The following PTPRE variants were observed in gnomAD, a reference collection of about 807,000 sequenced individuals.
PTPRE encodes the protein protein tyrosine phosphatase receptor type E.
In PTPRE, 51 loss-of-function variants were observed where a neutral mutation model predicts 102.0. The observed-to-expected ratio is 0.50, with a 90% confidence interval of 0.40 to 0.63. PTPRE has a LOEUF of 0.63. PTPRE is among the 30% of genes least tolerant of loss of function. The pLI is 0.00. For synonymous variants in PTPRE, 345 were observed against 348.2 expected (o/e 0.99, Z 0.10); for missense variants, 752 against 915.1 (o/e 0.82, Z 2.30).
intron 2 of PTPRE, among the ~76,000 whole-genome samples, chr10:127,996,220 C>T (rs1313351448): frequency 2.0e-5 from 3 of 152,116 alleles, no homozygotes; most frequent in African/African-American, 7.2e-5. Flanking sequence ...CTTGGCAACA[C>T]GTAACTTTAC....
intron 1 of PTPRE, among the ~76,000 whole-genome samples, chr10:127,968,056 A>G (rs1850400117): frequency 6.8e-6 from 1 of 146,256 alleles, no homozygotes; most frequent in Admixed American, 6.8e-5. Flanking sequence ...GTCCCTGGAT[A>G]TAGGTCACAC....
At chr10:128,047,670 T>C (rs759579631) in intron 4 of PTPRE, 94 bp from the exon 5 acceptor site, 44 of 1,614,016 alleles carry the variant, frequency 2.7e-5, no homozygotes, top group Non-Finnish European at 3.2e-5. Context: ...GAGTAGCTTT[T>C]CCCGGCTCAC....
Position 127,994,879 on chromosome 10 carries a change from T to C in PTPRE, c.-8+12583T>C, listed in dbSNP as rs865831528. On this transcript the variant is annotated intron_variant, in intron 2 of 20. Transcript: ENST00000254667. The stretch of plus-strand genomic sequence containing the variant: ...CACTTTGGGTTTCTGATAGCAGTTC[T>C]CTCCCCAGCCCCCATCCCTAGGATT... Among the ~76,000 whole-genome samples the C allele has an allele frequency of 2.0e-5, 3 of 152,260 alleles. 1 individual carries two copies. The highest frequency in any genetic ancestry group is 3.4e-3 in the Middle Eastern group (1 of 292).
intron 2 of PTPRE, among the ~76,000 whole-genome samples, chr10:128,005,550 C>A (rs1034848567): frequency 6.6e-6 from 1 of 152,094 alleles, no homozygotes; most frequent in African/African-American, 2.4e-5. Context: ...TATTTGATGT[C>A]TGAAAAAATG....
chr10:128,049,699 CTGT>C (rs1217003576), intron 6 of PTPRE, 33 bp downstream of exon 6: 1 of 1,612,660 alleles, frequency 6.2e-7, no homozygotes, highest in Non-Finnish European at 8.5e-7. Flanking sequence ...GCTGGGTGCC[CTGT>C]GGTGGAGACC....
chr10:127,947,085 A>G (rs79113863), intron 1 of PTPRE, among the ~76,000 whole-genome samples: 7,184 of 152,060 alleles, frequency 0.047, 260 homozygotes, highest in Middle Eastern at 0.079. Context: ...GTAAAATTGC[A>G]TAGACACAGA....
rs1057150246 is a variant in PTPRE, at chr10:128,056,027, C to T, written c.421-96C>T. 19 of 962,946 alleles carry T rather than the reference C, an allele frequency of 2.0e-5. No homozygotes were observed. In the African/African-American group the frequency reaches 2.4e-4, roughly 12 times the overall value. 59.7% of individuals were successfully genotyped at this position (962,946 alleles called of 1,614,324 possible). A position where few individuals can be genotyped will look rare whatever the true frequency, so the allele number is the denominator to read the frequency against. On this transcript the variant is annotated intron_variant, in intron 6 of 20. Coordinates refer to ENST00000254667, the MANE Select transcript of PTPRE (RefSeq NM_006504.6). ...TATGGACAGCAGGTAGTTTGCTCCACGTGTTTTCATTAATTCCTGTGCTCA... is the reference window on the plus strand; with the variant it reads ...TATGGACAGCAGGTAGTTTGCTCCATGTGTTTTCATTAATTCCTGTGCTCA...
chr10:128,049,634 G>A lies in PTPRE; in HGVS notation c.388G>A (p.Asp130Asn), dbSNP rs1295475104. 32 of 1,613,930 alleles carry A rather than the reference G, an allele frequency of 2.0e-5. No individual in the cohort carries two copies. Among genetic ancestry groups the A allele is most frequent in the East Asian group, 6.7e-5 (3 of 44,854 alleles). The stretch of plus-strand genomic sequence containing the variant: ...GGAGGAGATCCGTATCAGATCCGCC[G>A]ACGACTGCAAGCAGTTTCGGGAGGA... ...LEEEIRIRSA[D>N]DCKQFREEFN... The change falls in exon 6 of 21, where the codon GAC becomes AAC. Residue 130 changes from aspartate (D) to asparagine (N), a missense_variant. Asp to Asn is a conservative substitution (Grantham distance 23, BLOSUM62 1). This residue lies in a region of PTPRE where 636 missense variants were observed against 824.4 expected (regional missense o/e 0.77). Coordinates refer to ENST00000254667, the MANE Select transcript of PTPRE (RefSeq NM_006504.6).
At chr10:128,062,389 C>T (rs947595498) in intron 9 of PTPRE, among the ~76,000 whole-genome samples, 1 of 152,232 alleles carries the variant, frequency 6.6e-6, no homozygotes, top group African/African-American at 2.4e-5. Context: ...GGAATGTGCC[C>T]AGCTGGAAAC....
At chr10:128,018,708 C>G (rs144167827) in intron 2 of PTPRE, among the ~76,000 whole-genome samples, 31 of 152,286 alleles carry the variant, frequency 2.0e-4, no homozygotes, top group African/African-American at 7.2e-4. Flanking sequence ...GGCCAGTTCT[C>G]CCAGATCAGC....
intron 1 of PTPRE, among the ~76,000 whole-genome samples, chr10:127,958,238 G>C (rs1377700898): frequency 6.6e-6 from 1 of 152,134 alleles, no homozygotes; most frequent in Non-Finnish European, 1.5e-5. Flanking sequence ...ATATCAGAAA[G>C]GAGTGTCAAG....
intron 3 of PTPRE, among the ~76,000 whole-genome samples, chr10:128,044,197 C>T (rs909446249): frequency 3.3e-5 from 5 of 152,114 alleles, no homozygotes; most frequent in East Asian, 3.9e-4. Context: ...AATTTTAGGC[C>T]GGAGTGAGTT....
intron 1 of PTPRE, among the ~76,000 whole-genome samples, chr10:127,909,127 G>A (rs1038693433): frequency 2.6e-5 from 4 of 152,184 alleles, no homozygotes; most frequent in Admixed American, 2.0e-4. Context: ...CCACCTCCAC[G>A]GAAGCCTGGA....
chr10:128,082,775 T>C (rs1851836897), intron 20 of PTPRE, 57 bp from the exon 21 acceptor site: 1 of 1,509,078 alleles, frequency 6.6e-7, no homozygotes, highest in Admixed American at 2.6e-5. Flanking sequence ...TTTCTCCTGA[T>C]TAATCAAATA....
At chr10:128,056,053 G>A (rs1848936009) in intron 6 of PTPRE, 70 bp from the exon 7 acceptor site, 2 of 1,241,666 alleles carry the variant, frequency 1.6e-6, no homozygotes, top group African/African-American at 1.5e-5. Context: ...CCTGTGCTCA[G>A]TAGGGAAACT....
At chr10:127,965,797 T>C (rs1466636690) in intron 1 of PTPRE, among the ~76,000 whole-genome samples, 2 of 152,140 alleles carry the variant, frequency 1.3e-5, no homozygotes, top group African/African-American at 4.8e-5. Flanking sequence ...TGGCTCAGGG[T>C]CCAGCCAGTC....
At chr10:127,945,592 T>C (rs73376139) in intron 1 of PTPRE, among the ~76,000 whole-genome samples, 12,413 of 152,274 alleles carry the variant, frequency 0.082, 695 homozygotes, top group East Asian at 0.15. Flanking sequence ...CTCACTGTTA[T>C]GACATGTTCT....
chr10:128,053,155 G>A (rs1848682588), intron 6 of PTPRE, among the ~76,000 whole-genome samples: 1 of 152,178 alleles, frequency 6.6e-6, no homozygotes, highest in African/African-American at 2.4e-5. Context: ...GGAGGCTGAG[G>A]TGGGAGAATC....
intron 1 of PTPRE, among the ~76,000 whole-genome samples, chr10:127,912,296 T>C (rs1230023294): frequency 1.3e-5 from 2 of 152,336 alleles, no homozygotes; most frequent in East Asian, 3.9e-4. Context: ...TTCTTAACAA[T>C]ATATTTCAGA....
Sources: allele counts gnomAD v4.1 joint callset (sites outside exome capture counted in the v4.1 genomes callset), GRCh38; gene constraint gnomAD v4.1.1; regional missense constraint gnomAD v4.1.1; transcripts MANE v1.5; gene names NCBI Gene and HGNC (gene_info 2026-07-23, HGNC 2026-07-21).